Variants in MEI4 observed in about 807,000 individuals in gnomAD.
The protein encoded by MEI4 is meiotic double-stranded break formation protein 4.
In MEI4, 27 loss-of-function variants were observed where a neutral mutation model predicts 31.4. The observed-to-expected ratio is 0.86, with a 90% CI of 0.63 to 1.19. The LOEUF is 1.19. Among genes scored for constraint, MEI4 ranks in the 50% most tolerant of loss-of-function variants. The probability of loss-of-function intolerance (pLI) is 0.00; values close to 1 mark genes in which losing one functional copy is unlikely to be tolerated. For synonymous variants in MEI4, 122 were observed against 145.4 expected (o/e 0.84, Z 1.16); for missense variants, 329 against 398.9 (o/e 0.82, Z 1.49).
chr6:77,745,733 C>G (rs905327435), intron 2 of MEI4, among the ~76,000 whole-genome samples: 61 of 152,256 alleles, frequency 4.0e-4, no homozygotes, highest in Non-Finnish European at 5.9e-4. Context: ...AAGCACTCCT[C>G]AGCAAATGTA....
At position 77,761,580 on chromosome 6, in the gene MEI4, A is replaced by G. The variant is rs1483470661; in HGVS notation, c.683A>G (p.His228Arg). 3.2e-6 allele frequency: 4 copies of G among 1,232,058 alleles called. No homozygotes were observed. The highest frequency in any genetic ancestry group is 1.5e-5 in the African/African-American group (1 of 64,550). 76.3% of individuals were successfully genotyped at this position (1,232,058 alleles called of 1,614,324 possible). The change falls in exon 3 of 5, where the codon CAT (histidine) becomes CGT (arginine). Residue 228 changes from histidine to arginine, a missense_variant. Transcript: ENST00000684080. ...SLISDYNLSS[H>R]ILKKCSKKLE... ...ATCAGTGACTATAACTTATCTAGTC[A>G]TATTCTTAAAAAGTGTTCCAAGAAG...
At chr6:77,743,056 A>AT (rs1358065006) in intron 2 of MEI4, among the ~76,000 whole-genome samples, 1 of 152,122 alleles carries the variant, frequency 6.6e-6, no homozygotes, top group Non-Finnish European at 1.5e-5. Flanking sequence ...AGGTAGCGTG[A>AT]TGCCTCCAGC....
At chr6:77,733,495 G>T (rs1767078724) in intron 2 of MEI4, among the ~76,000 whole-genome samples, 2 of 151,994 alleles carry the variant, frequency 1.3e-5, no homozygotes, top group South Asian at 2.1e-4. Flanking sequence ...ATTTTTTATT[G>T]TGTCTATTTG....
In MEI4 at chr6:77,738,143, C is replaced by T. The variant is rs771089056; in HGVS notation, c.233-22987C>T. 5.3e-5 allele frequency among the ~76,000 whole-genome samples: 8 copies of T among 152,186 alleles called. No homozygotes were observed. In the East Asian group the frequency reaches 5.8e-4, roughly 11 times the overall value. Reference sequence around the variant, plus strand: ...GTGTTGGAGAGTTAAAGGATGGTTTCGGAGAGAAAGTGACAACCAGGGAAG... The same window carrying T: ...GTGTTGGAGAGTTAAAGGATGGTTTTGGAGAGAAAGTGACAACCAGGGAAG... On this transcript the variant is annotated intron_variant, in intron 2 of 4. Transcript: ENST00000684080.
intron 2 of MEI4, among the ~76,000 whole-genome samples, chr6:77,759,979 A>G (rs1455461405): frequency 6.6e-6 from 1 of 152,136 alleles, no homozygotes; most frequent in Non-Finnish European, 1.5e-5. Context: ...AGAATATTCA[A>G]TGAGAACTTT....
In MEI4 at chr6:77,830,551, A is replaced by G. The variant is rs546763432; in HGVS notation, c.900+1489A>G. On this transcript the variant is annotated intron_variant, in intron 4 of 4. Coordinates refer to ENST00000684080, the MANE Select transcript of MEI4 (RefSeq NM_001322247.2). ...ACAGTTAAGATACTTTAAAATAATA[A>G]TAAGAAAAATAGCAATAACACAATA... Among the ~76,000 whole-genome samples, 374 of 152,140 alleles carry G rather than the reference A, an allele frequency of 2.5e-3. 1 individual carries two copies. Among genetic ancestry groups the G allele is most frequent in the Non-Finnish European group, 2.2e-3 (148 of 67,916 alleles).
intron 2 of MEI4, among the ~76,000 whole-genome samples, chr6:77,737,051 A>C (rs573658651): frequency 6.6e-6 from 1 of 152,342 alleles, no homozygotes; most frequent in South Asian, 2.1e-4. Context: ...ATGACAAACT[A>C]GGTTGAAGCC....
At chr6:77,912,819 G>A (rs1766461698) in intron 4 of MEI4, among the ~76,000 whole-genome samples, 1 of 151,970 alleles carries the variant, frequency 6.6e-6, no homozygotes, top group East Asian at 1.9e-4. Flanking sequence ...AATTGCTCTG[G>A]TTAGGACTTC....
At chr6:77,901,166 G>T (rs758480600) in intron 4 of MEI4, among the ~76,000 whole-genome samples, 3 of 151,912 alleles carry the variant, frequency 2.0e-5, no homozygotes, top group Non-Finnish European at 2.9e-5. Context: ...GAATAATGCT[G>T]CAATGAATGT....
chr6:77,879,524 C>T (rs1771427589), intron 4 of MEI4, among the ~76,000 whole-genome samples: 1 of 152,114 alleles, frequency 6.6e-6, no homozygotes. Flanking sequence ...ATTTAGAACT[C>T]TTAGGTCACA....
chr6:77,816,825 A>G (rs1356728209), intron 3 of MEI4, among the ~76,000 whole-genome samples: 2 of 152,194 alleles, frequency 1.3e-5, no homozygotes, highest in East Asian at 3.8e-4. Flanking sequence ...GTGTTTCTAA[A>G]GAACATAATT....
intron 2 of MEI4, among the ~76,000 whole-genome samples, chr6:77,704,512 G>A (rs1180692153): frequency 6.6e-6 from 1 of 152,180 alleles, no homozygotes; most frequent in African/African-American, 2.4e-5. Context: ...TGGTTCCTTA[G>A]ATCAGTGAAT....
At chr6:77,822,621 C>G (rs1183483205) in intron 3 of MEI4, among the ~76,000 whole-genome samples, 22 of 144,920 alleles carry the variant, frequency 1.5e-4, no homozygotes, top group Non-Finnish European at 3.1e-4. Flanking sequence ...TACCCCCCCC[C>G]CCTTTTTTTT....
At chr6:77,730,998 G>C (rs1452266197) in intron 2 of MEI4, among the ~76,000 whole-genome samples, 1 of 151,760 alleles carries the variant, frequency 6.6e-6, no homozygotes, top group Non-Finnish European at 1.5e-5. Flanking sequence ...TGGTGTATAT[G>C]TGCCACATTT....
chr6:77,769,694 G>A (rs1768262089), intron 3 of MEI4, among the ~76,000 whole-genome samples: 1 of 152,042 alleles, frequency 6.6e-6, no homozygotes, highest in Admixed American at 6.6e-5. Context: ...AGACTCCTAA[G>A]GCCCCCATCC....
chr6:77,728,798 G>C (rs972225780), intron 2 of MEI4, among the ~76,000 whole-genome samples: 1 of 152,186 alleles, frequency 6.6e-6, no homozygotes, highest in African/African-American at 2.4e-5. Flanking sequence ...GGTGAGTGAT[G>C]AGGCCAGAGA....
intron 2 of MEI4, among the ~76,000 whole-genome samples, chr6:77,756,777 G>T (rs947872768): frequency 6.6e-6 from 1 of 151,896 alleles, no homozygotes; most frequent in African/African-American, 2.4e-5. Context: ...CCAAGGAGTT[G>T]ATCATGGTTC....
chr6:77,837,528 G>T (rs1770248820), intron 4 of MEI4, among the ~76,000 whole-genome samples: 2 of 152,192 alleles, frequency 1.3e-5, no homozygotes, highest in African/African-American at 2.4e-5. Flanking sequence ...TTATAGCCAT[G>T]TATCAGGAGT....
intron 4 of MEI4, among the ~76,000 whole-genome samples, chr6:77,833,338 A>G (rs1013715776): frequency 2.6e-5 from 4 of 152,162 alleles, no homozygotes; most frequent in Non-Finnish European, 5.9e-5. Context: ...TGGGCAGAAT[A>G]TCTCTATAAA....
Sources: allele counts gnomAD v4.1 joint callset (sites outside exome capture counted in the v4.1 genomes callset), GRCh38; gene constraint gnomAD v4.1.1; transcripts MANE v1.5; gene names NCBI Gene and HGNC (gene_info 2026-07-23, HGNC 2026-07-21).